The following ARMC8 variants were observed in gnomAD, a reference collection of about 807,000 sequenced individuals.
ARMC8 encodes armadillo repeat containing 8, also known as armadillo repeat-containing protein 8.
In ARMC8, 20 loss-of-function variants were observed where a neutral mutation model predicts 99.3. The observed-to-expected ratio is 0.20, with a 90% CI of 0.14 to 0.29. The LOEUF (loss-of-function observed/expected upper bound fraction) is 0.29. Ranked by LOEUF, ARMC8 falls within the 10% of genes least tolerant of loss-of-function variation. ARMC8 has a pLI of 1.00. For synonymous variants in ARMC8, 263 were observed against 278.3 expected (o/e 0.95, Z 0.55); for missense variants, 569 against 809.5 (o/e 0.70, Z 3.60).
At position 138,245,177 on chromosome 3, in the gene ARMC8, G is replaced by T; in HGVS notation, c.1128G>T (p.Arg376=). ...ASLGANDEDI[R]KKIIETENMM... is the part of the protein sequence containing the mutation. ...TTGGAGCAAATGATGAAGACATCCG[G>T]AAGAAGGTGAGTCTGGGAGAGGGGC... is the stretch of plus-strand genomic sequence containing the variant. The change falls in exon 12 of 22, where the codon CGG becomes CGT. Residue 376 remains arginine, a synonymous_variant. Coordinates refer to ENST00000469044, the MANE Select transcript of ARMC8 (RefSeq NM_001363941.2). 1 of 1,614,218 alleles carries T rather than the reference G, an allele frequency of 6.2e-7. No individual in the cohort carries two copies. Among genetic ancestry groups the T allele is most frequent in the Non-Finnish European group, 8.5e-7 (1 of 1,180,042 alleles).
chr3:138,294,967 C>T (rs2051334238), intron 21 of ARMC8, among the ~76,000 whole-genome samples: 2 of 151,134 alleles, frequency 1.3e-5, no homozygotes, highest in Non-Finnish European at 1.5e-5. Context: ...GGCACCATCT[C>T]AGCTCACTGC....
chr3:138,227,640 C>T (rs2108102795), intron 5 of ARMC8, among the ~76,000 whole-genome samples: 1 of 152,170 alleles, frequency 6.6e-6, no homozygotes, highest in Non-Finnish European at 1.5e-5. Flanking sequence ...TTTTTTTTCC[C>T]AAGGAAAATC....
At chr3:138,247,855 C>G (rs1434787689) in intron 12 of ARMC8, among the ~76,000 whole-genome samples, 1 of 152,214 alleles carries the variant, frequency 6.6e-6, no homozygotes, top group South Asian at 2.1e-4. Flanking sequence ...TGGTGTATTC[C>G]CACTAAAATA....
At chr3:138,197,869 G>C (rs545371110) in intron 1 of ARMC8, among the ~76,000 whole-genome samples, 3 of 152,216 alleles carry the variant, frequency 2.0e-5, no homozygotes, top group Admixed American at 6.5e-5. Flanking sequence ...AGATCTTCTA[G>C]AGCCAGATAG....
chr3:138,193,635 C>A (rs2043523338), intron 1 of ARMC8, among the ~76,000 whole-genome samples: 1 of 152,200 alleles, frequency 6.6e-6, no homozygotes, highest in African/African-American at 2.4e-5. Context: ...TTCTCCTAAT[C>A]TGTAACTTGC....
At chr3:138,188,452 C>T in intron 1 of ARMC8, 2 of 1,609,106 alleles carry the variant, frequency 1.2e-6, no homozygotes, top group Non-Finnish European at 1.7e-6. Flanking sequence ...GCTCTTGAAC[C>T]AGGACCAGGA....
chr3:138,200,179 T>C lies in ARMC8; in HGVS notation c.46-9638T>C, dbSNP rs574700132. Among the ~76,000 whole-genome samples the C allele has an allele frequency of 1.1e-4, 16 of 152,346 alleles. 1 individual carries two copies. The South Asian group carries it at 3.3e-3, about 32-fold the overall frequency. On this transcript the variant is annotated intron_variant, in intron 1 of 21. Transcript: ENST00000469044. The stretch of plus-strand genomic sequence containing the variant: ...CCAGCTGTAATAAAGGAGAAAGGCA[T>C]GAAGCTAATTTATAACATCATTTAA...
intron 6 of ARMC8, 67 bp from the exon 7 acceptor site, chr3:138,234,967 A>T (rs769092210): frequency 3.9e-5 from 51 of 1,310,404 alleles, no homozygotes; most frequent in Middle Eastern, 2.1e-4. Context: ...ACATTTAAGT[A>T]AATGTGGTTT....
In ARMC8 at chr3:138,256,447, T is replaced by C. The variant is rs1015797511; in HGVS notation, c.1135-7292T>C. 7.4e-5 allele frequency among the ~76,000 whole-genome samples: 11 copies of C among 149,312 alleles called. No individual in the cohort carries two copies. The South Asian group carries it at 2.1e-3, about 29-fold the overall frequency. ...TTTTTTGAGACGGAGTCTCGCTCTT[T>C]TCGCCCAGGCCGGAGTGCAGTGGTG... On this transcript the variant is annotated intron_variant, in intron 12 of 21. Transcript: ENST00000469044.
chr3:138,255,614 C>A (rs2047360531), intron 12 of ARMC8, among the ~76,000 whole-genome samples: 1 of 152,104 alleles, frequency 6.6e-6, no homozygotes, highest in Non-Finnish European at 1.5e-5. Flanking sequence ...CAAGTGTTTA[C>A]TGAGACCCCA....
chr3:138,219,240 C>T (rs1576650392), intron 2 of ARMC8, among the ~76,000 whole-genome samples: 1 of 152,104 alleles, frequency 6.6e-6, no homozygotes, highest in Non-Finnish European at 1.5e-5. Context: ...TGTTGTGTTC[C>T]CATCTTGGAT....
intron 1 of ARMC8, among the ~76,000 whole-genome samples, chr3:138,190,930 C>T (rs540974793): frequency 6.6e-6 from 1 of 152,210 alleles, no homozygotes; most frequent in Admixed American, 6.5e-5. Flanking sequence ...CTGTTCAAAA[C>T]ATGTCATAGA....
intron 1 of ARMC8, among the ~76,000 whole-genome samples, chr3:138,207,175 C>G (rs1430423691): frequency 2.0e-5 from 3 of 152,340 alleles, no homozygotes; most frequent in South Asian, 2.1e-4. Flanking sequence ...CTGGTACACT[C>G]TTACTCATTT....
Position 138,267,140 on chromosome 3 carries a change from T to A in ARMC8, c.1300-15T>A, listed in dbSNP as rs1349088025. On this transcript the variant is annotated splice_polypyrimidine_tract_variant and intron_variant, in intron 14 of 21. Coordinates refer to ENST00000469044, the MANE Select transcript of ARMC8 (RefSeq NM_001363941.2). ...CATTCCAAATCATTAGTAGTATCCT[T>A]TTTTAATTCCATAGGTTTTACAAAA... is the stretch of plus-strand genomic sequence containing the variant. 9 of 1,438,026 alleles carry A rather than the reference T, an allele frequency of 6.3e-6. No homozygotes were observed. The African/African-American group carries it at 1.3e-4, about 20-fold the overall frequency. 89.1% of individuals were successfully genotyped at this position (1,438,026 alleles called of 1,614,324 possible). A position where few individuals can be genotyped will look rare whatever the true frequency, so the allele number is the denominator to read the frequency against.
At chr3:138,268,053 G>T (rs1305434234) in intron 15 of ARMC8, among the ~76,000 whole-genome samples, 1 of 152,078 alleles carries the variant, frequency 6.6e-6, no homozygotes, top group Non-Finnish European at 1.5e-5. Context: ...GACCAGCCTG[G>T]CCAACATGGT....
intron 1 of ARMC8, among the ~76,000 whole-genome samples, chr3:138,203,615 T>C (rs1292066223): frequency 1.3e-5 from 2 of 152,210 alleles, no homozygotes; most frequent in East Asian, 1.9e-4. Context: ...TGGCATCTTA[T>C]TACCTCTGCT....
intron 14 of ARMC8, 95 bp downstream of exon 14, chr3:138,264,307 G>C (rs2048040206): frequency 2.3e-6 from 2 of 859,522 alleles, no homozygotes; most frequent in Admixed American, 2.2e-5. Context: ...GAGTATGTCT[G>C]ATTTTTGTGT....
intron 16 of ARMC8, among the ~76,000 whole-genome samples, chr3:138,270,748 AT>A (rs1168181800): frequency 6.6e-6 from 1 of 152,164 alleles, no homozygotes; most frequent in African/African-American, 2.4e-5. Context: ...ATACTTAATA[AT>A]TTTTTAACAG....
At chr3:138,231,419 A>T (rs894857202) in intron 6 of ARMC8, among the ~76,000 whole-genome samples, 2 of 152,306 alleles carry the variant, frequency 1.3e-5, no homozygotes, top group East Asian at 3.9e-4. Flanking sequence ...AAATAAATTT[A>T]CATACTTTGG....
Sources: gnomAD v4.1 joint callset for allele counts (sites outside exome capture counted in the v4.1 genomes callset) on GRCh38, gnomAD v4.1.1 for gene constraint, MANE v1.5 for transcripts, NCBI Gene and HGNC (gene_info 2026-07-23, HGNC 2026-07-21) for gene names.